The following TBC1D22A variants were observed in gnomAD, a reference collection of about 807,000 sequenced individuals.
TBC1D22A encodes putative GTPase activator.
In TBC1D22A, 38 loss-of-function variants were observed where a neutral mutation model predicts 60.2. The observed-to-expected ratio is 0.63, with a 90% CI of 0.49 to 0.83. The LOEUF (loss-of-function observed/expected upper bound fraction) is 0.83, where lower values mean the gene tolerates loss of function less well. Ranked by LOEUF, TBC1D22A falls within the 40% of genes least tolerant of loss-of-function variation. The probability of loss-of-function intolerance (pLI) is 0.00; values close to 1 mark genes in which losing one functional copy is unlikely to be tolerated. For synonymous variants in TBC1D22A, 302 were observed against 281.7 expected, an observed-to-expected ratio of 1.07 and a Z score of -0.72; for missense variants, 628 against 701.0, an observed-to-expected ratio of 0.90 and a Z score of 1.18.
At chr22:46,900,873 G>T (rs1254927854) in intron 7 of TBC1D22A, among the ~76,000 whole-genome samples, 3 of 152,096 alleles carry the variant, frequency 2.0e-5, no homozygotes, top group Admixed American at 1.3e-4. Context: ...AATCTTATTG[G>T]GGAAAGCAAA....
chr22:47,070,601 G>T (rs367644291), intron 11 of TBC1D22A, among the ~76,000 whole-genome samples: 2 of 151,554 alleles, frequency 1.3e-5, no homozygotes, highest in African/African-American at 2.4e-5. Context: ...CTGACCTGAC[G>T]GTTCCAGGCT....
chr22:47,029,328 A>G (rs552821841), intron 10 of TBC1D22A, among the ~76,000 whole-genome samples: 2 of 151,976 alleles, frequency 1.3e-5, no homozygotes, highest in South Asian at 2.1e-4. Context: ...CAGCGCTTCC[A>G]TACCCCTCCC....
At chr22:47,116,096 T>TCC (rs941437501) in intron 12 of TBC1D22A, 2 of 152,214 alleles carry the variant, frequency 1.3e-5, no homozygotes, top group African/African-American at 4.8e-5. Flanking sequence ...CTCGCCAGCT[T>TCC]CCCCTCCTTG....
At position 46,771,228 on chromosome 22, in the gene TBC1D22A, A is replaced by G. The variant is rs80132356; in HGVS notation, c.62+8380A>G. 2.3e-3 allele frequency among the ~76,000 whole-genome samples: 344 copies of G among 152,322 alleles called. 6 individuals carry two copies. The East Asian group carries it at 0.035, about 16-fold the overall frequency. ...TTCTTAAGTAACAAGAGCAGGAGGAAGTACCCCATCGCCTCCAAGTGTTTT... is the reference window on the plus strand; with the variant it reads ...TTCTTAAGTAACAAGAGCAGGAGGAGGTACCCCATCGCCTCCAAGTGTTTT... On this transcript the variant is annotated intron_variant, in intron 1 of 12. Coordinates refer to ENST00000337137, the MANE Select transcript of TBC1D22A (RefSeq NM_014346.5).
rs538327089 is a variant in TBC1D22A at position 46,927,980 on chromosome 22, G to A, written c.1015+15792G>A. Reference sequence around the variant, plus strand: ...TTTATGGATTGGAAACCTTAATATTGTTAAGGTGGCATTCTTTCTCAAATT... The same window carrying A: ...TTTATGGATTGGAAACCTTAATATTATTAAGGTGGCATTCTTTCTCAAATT... On this transcript the variant is annotated intron_variant, in intron 8 of 12. Coordinates refer to ENST00000337137, the MANE Select transcript of TBC1D22A (RefSeq NM_014346.5). Among the ~76,000 whole-genome samples, 28 of 152,256 alleles carry A rather than the reference G, an allele frequency of 1.8e-4. No homozygotes were observed. The South Asian group carries it at 5.6e-3, about 30-fold the overall frequency.
intron 4 of TBC1D22A, among the ~76,000 whole-genome samples, chr22:46,800,065 T>A (rs900212487): frequency 1.3e-5 from 2 of 152,194 alleles, no homozygotes; most frequent in Admixed American, 1.3e-4. Flanking sequence ...TGATACATTT[T>A]CCCATGGCGT....
At chr22:46,981,111 G>A (rs1301374124) in intron 9 of TBC1D22A, among the ~76,000 whole-genome samples, 3 of 152,218 alleles carry the variant, frequency 2.0e-5, no homozygotes, top group African/African-American at 7.2e-5. Context: ...TATTAAATGA[G>A]ATAGATTTTT....
Position 47,033,522 on chromosome 22 carries a change from G to A in TBC1D22A, c.1202-3549G>A, listed in dbSNP as rs141949378. Reference sequence around the variant, plus strand: ...TACTGGGGGCCGGGGAAACAAAGGCGACACAGACCTGGACCCACACCTGAC... The same window carrying A: ...TACTGGGGGCCGGGGAAACAAAGGCAACACAGACCTGGACCCACACCTGAC... On this transcript the variant is annotated intron_variant, in intron 10 of 12. Transcript: ENST00000337137. Among the ~76,000 whole-genome samples the A allele has an allele frequency of 2.0e-3, 307 of 152,208 alleles. 2 individuals are homozygous for A. Among genetic ancestry groups the A allele is most frequent in the East Asian group, 7.8e-4 (4 of 5,160 alleles).
At chr22:46,806,194 G>A (rs944335594) in intron 4 of TBC1D22A, among the ~76,000 whole-genome samples, 7 of 152,126 alleles carry the variant, frequency 4.6e-5, no homozygotes, top group South Asian at 2.1e-4. Flanking sequence ...AGTGCCGAGC[G>A]CTGTGTGGAA....
chr22:47,152,733 C>T (rs903631758), intron 12 of TBC1D22A, among the ~76,000 whole-genome samples: 1 of 152,192 alleles, frequency 6.6e-6, no homozygotes, highest in African/African-American at 2.4e-5. Flanking sequence ...GGCGTTTTCC[C>T]ATTTTACAGG....
intron 1 of TBC1D22A, among the ~76,000 whole-genome samples, chr22:46,775,395 A>G (rs1469321351): frequency 2.0e-5 from 3 of 151,966 alleles, no homozygotes; most frequent in Non-Finnish European, 4.4e-5. Flanking sequence ...AGACAACCAC[A>G]GTTTTATAGA....
intron 4 of TBC1D22A, among the ~76,000 whole-genome samples, chr22:46,874,562 CTTTTTTTTTTTTTTTTTTTT>C (rs747481407): frequency 2.5e-5 from 1 of 40,778 alleles, no homozygotes; most frequent in African/African-American, 1.0e-4. Context: ...ACAGGTATGT[CTTTTTTTTTTTTTTTTTTTT>C]TTTTTTTTTT....
In TBC1D22A at chr22:46,777,711, T is replaced by C. The variant is rs187828939; in HGVS notation, c.63-14809T>C. ...GAGGGGAAGCTGGGCAGGGCCAGGA[T>C]TGAGTGAGAAGCAGCAAGAAGGAGA... is the stretch of plus-strand genomic sequence containing the variant. On this transcript the variant is annotated intron_variant, in intron 1 of 12. Coordinates refer to ENST00000337137, the MANE Select transcript of TBC1D22A (RefSeq NM_014346.5). The surrounding 1 kb of genome is among the most constrained non-coding windows in gnomAD (Gnocchi z 4.5). Among the ~76,000 whole-genome samples the C allele has an allele frequency of 2.1e-3, 313 of 151,866 alleles. 6 individuals are homozygous for C. Among genetic ancestry groups the C allele is most frequent in the Admixed American group, 0.02 (302 of 15,264 alleles).
chr22:46,797,700 T>G (rs2046078544), intron 4 of TBC1D22A, 80 bp downstream of exon 4: 1 of 1,400,038 alleles, frequency 7.1e-7, no homozygotes, highest in Non-Finnish European at 9.5e-7. Context: ...AAGGATTCTA[T>G]GTATGCTTAT....
intron 10 of TBC1D22A, among the ~76,000 whole-genome samples, chr22:47,007,505 T>A (rs2061629821): frequency 6.6e-6 from 1 of 152,216 alleles, no homozygotes; most frequent in Non-Finnish European, 1.5e-5. Flanking sequence ...GGACCCATAA[T>A]AACATACCAC....
chr22:46,805,805 C>T (rs578008338), intron 4 of TBC1D22A, among the ~76,000 whole-genome samples: 5 of 151,728 alleles, frequency 3.3e-5, no homozygotes, highest in South Asian at 2.1e-4. Context: ...ACCCCCCACC[C>T]GATTTCTGGT....
chr22:47,129,827 A>G (rs1331490884), intron 12 of TBC1D22A, among the ~76,000 whole-genome samples: 3 of 152,256 alleles, frequency 2.0e-5, no homozygotes, highest in African/African-American at 7.2e-5. Flanking sequence ...ACACCGCCAG[A>G]GGCGCCGCTC....
At chr22:46,897,293 C>T (rs986853777) in intron 7 of TBC1D22A, among the ~76,000 whole-genome samples, 2 of 152,088 alleles carry the variant, frequency 1.3e-5, no homozygotes, top group African/African-American at 2.4e-5. Flanking sequence ...TAGAGGTTTC[C>T]CATCGGTTAC....
intron 11 of TBC1D22A, among the ~76,000 whole-genome samples, chr22:47,079,083 A>G (rs1030022126): frequency 3.1e-5 from 3 of 96,818 alleles, no homozygotes; most frequent in Non-Finnish European, 4.1e-5. Context: ...TGTAGAGCAG[A>G]CTTTTTTTTT....
Sources: gnomAD v4.1 joint callset for allele counts (sites outside exome capture counted in the v4.1 genomes callset) on GRCh38, gnomAD v4.1.1 for gene constraint, Gnocchi (gnomAD v3.1) non-coding constraint, MANE v1.5 for transcripts, NCBI Gene and HGNC (gene_info 2026-07-23, HGNC 2026-07-21) for gene names.